The following CAMSAP2 variants were observed in gnomAD, a reference collection of about 807,000 sequenced individuals.
CAMSAP2 encodes calmodulin regulated spectrin associated protein family member 2.
CAMSAP2 carries 26 observed loss-of-function variants against 146.1 expected under a neutral mutation model. That is an observed-to-expected ratio of 0.18 (90% CI 0.13 to 0.25). CAMSAP2 has a LOEUF of 0.25. CAMSAP2 is among the 10% of genes least tolerant of loss of function. The pLI is 1.00. For missense variants in CAMSAP2, 1,381 were observed against 1,759.3 expected, an observed-to-expected ratio of 0.78 and a Z score of 3.85; for synonymous variants, 499 against 596.6, an observed-to-expected ratio of 0.84 and a Z score of 2.38.
At chr1:200,838,046 GCAT>G (rs1259145711) in intron 6 of CAMSAP2, among the ~76,000 whole-genome samples, 1 of 152,074 alleles carries the variant, frequency 6.6e-6, no homozygotes, top group Non-Finnish European at 1.5e-5. Flanking sequence ...AATTAATCTG[GCAT>G]CATTCCTGAA....
intron 4 of CAMSAP2, among the ~76,000 whole-genome samples, chr1:200,819,287 A>C (rs1159547460): frequency 6.6e-6 from 1 of 151,972 alleles, no homozygotes; most frequent in Non-Finnish European, 1.5e-5. Flanking sequence ...TTTTTTTTCC[A>C]AGTTGCTCAT....
chr1:200,824,202 C>T (rs561464074), intron 4 of CAMSAP2, among the ~76,000 whole-genome samples: 1 of 148,574 alleles, frequency 6.7e-6, no homozygotes, highest in African/African-American at 2.5e-5. Flanking sequence ...AGACTGACTC[C>T]TGTGCTTTTG....
chr1:200,807,002 A>T (rs566389656), intron 2 of CAMSAP2, among the ~76,000 whole-genome samples: 3 of 152,322 alleles, frequency 2.0e-5, no homozygotes, highest in Non-Finnish European at 4.4e-5. Context: ...AAAGATAGAG[A>T]ATCTATAAAC....
chr1:200,793,602 C>A (rs1343866310), intron 2 of CAMSAP2, among the ~76,000 whole-genome samples: 1 of 152,054 alleles, frequency 6.6e-6, no homozygotes, highest in Non-Finnish European at 1.5e-5. Flanking sequence ...GTATTCTGAG[C>A]TTAAAACACT....
intron 4 of CAMSAP2, among the ~76,000 whole-genome samples, chr1:200,820,519 G>A (rs1261547776): frequency 6.6e-6 from 1 of 152,170 alleles, no homozygotes; most frequent in African/African-American, 2.4e-5. Flanking sequence ...TCACTTTAAG[G>A]TGTATCTCAA....
intron 2 of CAMSAP2, among the ~76,000 whole-genome samples, chr1:200,801,487 A>T (rs1445893773): frequency 6.6e-6 from 1 of 152,072 alleles, no homozygotes; most frequent in African/African-American, 2.4e-5. Context: ...CTGTCTTCCT[A>T]GGTTAGGAAG....
At chr1:200,840,906 A>T (rs1558203736) in intron 6 of CAMSAP2, among the ~76,000 whole-genome samples, 2 of 152,192 alleles carry the variant, frequency 1.3e-5, no homozygotes, top group Non-Finnish European at 2.9e-5. Flanking sequence ...AGTTTTTAAA[A>T]ATTTACCGAA....
At chr1:200,761,518 C>T (rs547101380) in intron 2 of CAMSAP2, among the ~76,000 whole-genome samples, 425 of 152,180 alleles carry the variant, frequency 2.8e-3, no homozygotes, top group African/African-American at 9.4e-3. Flanking sequence ...GGCAGATCAC[C>T]TGAGGTCAGG....
chr1:200,771,546 G>A (rs1445241295), intron 2 of CAMSAP2, among the ~76,000 whole-genome samples: 1 of 152,132 alleles, frequency 6.6e-6, no homozygotes, highest in African/African-American at 2.4e-5. Context: ...TAAACAAAGT[G>A]TTAATTTCTG....
chr1:200,822,328 G>A (rs1219046041), intron 4 of CAMSAP2, among the ~76,000 whole-genome samples: 2 of 152,062 alleles, frequency 1.3e-5, no homozygotes, highest in African/African-American at 4.8e-5. Flanking sequence ...TATCATTTAT[G>A]TTCCCATTTT....
chr1:200,786,356 C>CA (rs976088403), intron 2 of CAMSAP2, among the ~76,000 whole-genome samples: 1 of 151,228 alleles, frequency 6.6e-6, no homozygotes. Context: ...TTTTCTGATA[C>CA]AAGCACTTAA....
At chr1:200,847,822 A>G in intron 10 of CAMSAP2, 113 bp downstream of exon 10, 1 of 1,065,998 alleles carries the variant, frequency 9.4e-7, no homozygotes, top group Non-Finnish European at 1.4e-6. Flanking sequence ...TAGTTCCTAA[A>G]TTTGAAAAAG....
chr1:200,850,859 A>G (rs1382132919), intron 11 of CAMSAP2, among the ~76,000 whole-genome samples: 2 of 152,328 alleles, frequency 1.3e-5, no homozygotes, highest in East Asian at 3.9e-4. Flanking sequence ...CATAGCTCCA[A>G]TTGAGTCTCT....
rs775980897 is a variant in CAMSAP2 at position 200,849,012 on chromosome 1, C to G, written c.2243C>G (p.Ser748Cys). The change falls in exon 11 of 17, where the codon TCT becomes TGT. Residue 748 changes from serine (S) to cysteine (C), a missense_variant. Ser to Cys is a moderately radical substitution (Grantham distance 112, BLOSUM62 -1). Coordinates refer to ENST00000358823, the MANE Select transcript of CAMSAP2 (RefSeq NM_203459.4). The surrounding 1 kb of genome is among the most constrained non-coding windows in gnomAD (Gnocchi z 6.3). ...CGGGACACTACCCAGCTGTTGGCCT[C>G]TGAAATGGTGCATCTTAGGATGAAA... ...QGRDTTQLLA[S>C]EMVHLRMKLE... 1.9e-6 allele frequency: 3 copies of G among 1,614,044 alleles called. No individual in the cohort carries two copies. The Admixed American group carries it at 5.0e-5, about 27-fold the overall frequency.
rs1277181838 is a variant in CAMSAP2 at position 200,849,397 on chromosome 1, G to T, written c.2628G>T (p.Glu876Asp). ...SPSEETLNEG[E>D]ILEYTKSIEK... ...CAGAAGAAACTTTAAATGAAGGAGA[G>T]ATTTTAGAATATACCAAATCCATTG... The change falls in exon 11 of 17, where the codon GAG (glutamate) becomes GAT (aspartate). Residue 876 changes from glutamate to aspartate, a missense_variant. By Grantham distance (45) the Glu-to-Asp change is conservative. Transcript: ENST00000358823. This position sits in a 1 kb window ranked among gnomAD's most constrained non-coding sequence, Gnocchi z 6.3. 1.9e-6 allele frequency: 3 copies of T among 1,613,876 alleles called. No individual in the cohort carries two copies. The Admixed American group carries it at 5.0e-5, about 27-fold the overall frequency.
chr1:200,803,928 TC>T (rs200831086), intron 2 of CAMSAP2, among the ~76,000 whole-genome samples: 1 of 35,502 alleles, frequency 2.8e-5, no homozygotes, highest in African/African-American at 7.4e-5. Flanking sequence ...GTTCTGTTTT[TC>T]TTTTTTTTTT....
intron 3 of CAMSAP2, among the ~76,000 whole-genome samples, chr1:200,808,439 A>G (rs189266693): frequency 5.9e-5 from 9 of 152,354 alleles, no homozygotes; most frequent in Non-Finnish European, 1.2e-4. Flanking sequence ...AAGAAGTTAT[A>G]TCTCCAGGTA....
intron 2 of CAMSAP2, among the ~76,000 whole-genome samples, chr1:200,762,845 T>C (rs1664838292): frequency 6.6e-6 from 1 of 152,214 alleles, no homozygotes; most frequent in Non-Finnish European, 1.5e-5. Flanking sequence ...TTGATCCTGC[T>C]GATAGCTTTG....
chr1:200,800,989 G>A (rs1666020402), intron 2 of CAMSAP2, among the ~76,000 whole-genome samples: 2 of 152,208 alleles, frequency 1.3e-5, no homozygotes, highest in Admixed American at 6.5e-5. Flanking sequence ...GTTGAGGCCT[G>A]ACGCAGTGGC....
Sources: allele counts gnomAD v4.1 joint callset (sites outside exome capture counted in the v4.1 genomes callset), GRCh38; gene constraint gnomAD v4.1.1; non-coding constraint Gnocchi (gnomAD v3.1); transcripts MANE v1.5; gene names NCBI Gene and HGNC (gene_info 2026-07-23, HGNC 2026-07-21).